Variants in CNTN1 observed in about 807,000 individuals in gnomAD.
The protein encoded by CNTN1 is contactin 1, also known as contactin-1.
A neutral mutation model predicts 126.4 loss-of-function variants in CNTN1; 38 were observed. The ratio of observed to expected loss-of-function variants is 0.30; its 90% CI spans 0.23 to 0.39. CNTN1 has a LOEUF of 0.39. Ranked by LOEUF, CNTN1 falls within the 10% of genes least tolerant of loss-of-function variation. The pLI is 1.00. For synonymous variants in CNTN1, 413 were observed against 422.6 expected (o/e 0.98, Z 0.28); for missense variants, 1,009 against 1,248.4 (o/e 0.81, Z 2.89).
chr12:41,068,042 G>A (rs1256609838), intron 23 of CNTN1, among the ~76,000 whole-genome samples: 1 of 152,128 alleles, frequency 6.6e-6, no homozygotes, highest in Non-Finnish European at 1.5e-5. Flanking sequence ...TAAGTGCAGA[G>A]CGCAGTTTCC....
intron 1 of CNTN1, among the ~76,000 whole-genome samples, chr12:40,709,602 A>T (rs1245987548): frequency 6.6e-6 from 1 of 152,200 alleles, no homozygotes; most frequent in African/African-American, 2.4e-5. Flanking sequence ...GTTTACGTTG[A>T]AATTATGTTG....
At chr12:40,827,011 C>T (rs898934768) in intron 1 of CNTN1, among the ~76,000 whole-genome samples, 6 of 152,096 alleles carry the variant, frequency 3.9e-5, no homozygotes, top group Admixed American at 6.5e-5. Flanking sequence ...ATATCTAAGA[C>T]ACTTTGAAAA....
At chr12:40,884,531 T>G (rs943150121) in intron 1 of CNTN1, among the ~76,000 whole-genome samples, 11 of 151,512 alleles carry the variant, frequency 7.3e-5, no homozygotes, top group African/African-American at 2.4e-4. Context: ...TACTAAATTA[T>G]TTCCTGAAAA....
intron 1 of CNTN1, among the ~76,000 whole-genome samples, chr12:40,747,934 G>A (rs1938249104): frequency 6.6e-6 from 1 of 152,148 alleles, no homozygotes; most frequent in African/African-American, 2.4e-5. Context: ...ATTCATGAAA[G>A]GAGAGTATTA....
chr12:41,057,553 T>A (rs1949853444), intron 23 of CNTN1, among the ~76,000 whole-genome samples: 1 of 152,004 alleles, frequency 6.6e-6, no homozygotes, highest in Non-Finnish European at 1.5e-5. Flanking sequence ...AACATAAGAC[T>A]CTGTTCATAT....
At chr12:40,853,282 A>G (rs1942782870) in intron 1 of CNTN1, among the ~76,000 whole-genome samples, 1 of 152,104 alleles carries the variant, frequency 6.6e-6, no homozygotes, top group Non-Finnish European at 1.5e-5. Context: ...AGCATTCCAA[A>G]ATATTATGTT....
intron 23 of CNTN1, among the ~76,000 whole-genome samples, chr12:41,031,203 T>A (rs191667671): frequency 6.6e-6 from 1 of 152,190 alleles, no homozygotes; most frequent in Non-Finnish European, 1.5e-5. Context: ...CACTGGTAAA[T>A]GTTAAACAGT....
intron 21 of CNTN1, among the ~76,000 whole-genome samples, 159 bp from the exon 22 acceptor site, chr12:41,027,698 T>G (rs551724495): frequency 8.5e-5 from 13 of 152,302 alleles, no homozygotes; most frequent in South Asian, 2.1e-4. Context: ...GACTCATGGA[T>G]GTAAAGTGCT....
intron 1 of CNTN1, among the ~76,000 whole-genome samples, chr12:40,732,045 A>G (rs534495913): frequency 1.3e-5 from 2 of 152,056 alleles, no homozygotes; most frequent in South Asian, 4.1e-4. Context: ...TGTTGAATCA[A>G]TGACTGAAAA....
chr12:41,070,483 T>G lies in CNTN1; in HGVS notation c.*448T>G. The G allele has an allele frequency of 4.9e-6, 1 of 202,990 alleles. No individual in the cohort carries two copies. The highest frequency in any genetic ancestry group is 1.0e-5 in the Non-Finnish European group (1 of 98,130). 12.6% of individuals were successfully genotyped at this position (202,990 alleles called of 1,614,324 possible). A position where few individuals can be genotyped will look rare whatever the true frequency, so the allele number is the denominator to read the frequency against. ...TAAGAGTAATACAGTCTCTTGTACT[T>G]TCCTCACTGTTTTGGGTACTGCATA... On this transcript the variant is annotated 3_prime_UTR_variant, in exon 24 of 24. Coordinates refer to ENST00000551295, the MANE Select transcript of CNTN1 (RefSeq NM_001843.4).
chr12:40,792,844 G>A (rs1334109195), intron 1 of CNTN1, among the ~76,000 whole-genome samples: 1 of 152,032 alleles, frequency 6.6e-6, no homozygotes, highest in East Asian at 1.9e-4. Context: ...AGCAGTGAAG[G>A]AAACCAAAAA....
intron 1 of CNTN1, among the ~76,000 whole-genome samples, chr12:40,733,379 A>G (rs1565661619): frequency 1.3e-5 from 2 of 151,630 alleles, no homozygotes; most frequent in Non-Finnish European, 2.9e-5. Flanking sequence ...ATTTTTTTTC[A>G]TAAATTAAAA....
chr12:40,971,137 G>T (rs1947495914), intron 15 of CNTN1, among the ~76,000 whole-genome samples: 1 of 152,122 alleles, frequency 6.6e-6, no homozygotes, highest in Admixed American at 6.6e-5. Flanking sequence ...ATTTACAAAG[G>T]ATCCACGAGA....
chr12:41,017,009 T>C, intron 19 of CNTN1, 93 bp downstream of exon 19: 1 of 990,192 alleles, frequency 1.0e-6, no homozygotes, highest in South Asian at 1.3e-5. Flanking sequence ...GCCTTACTTA[T>C]TAAGACCTTT....
chr12:40,876,322 T>C (rs1183191753), intron 1 of CNTN1, among the ~76,000 whole-genome samples: 1 of 152,154 alleles, frequency 6.6e-6, no homozygotes, highest in African/African-American at 2.4e-5. Context: ...CATACTTTTC[T>C]AATGAGATGT....
At chr12:40,805,519 G>A (rs1119061) in intron 1 of CNTN1, among the ~76,000 whole-genome samples, 48 of 151,876 alleles carry the variant, frequency 3.2e-4, no homozygotes, top group African/African-American at 1.1e-3. Context: ...CCATTTGACT[G>A]TTACTTAAAG....
Position 40,795,274 on chromosome 12 carries a change from TACACACACACACAC to T in CNTN1, c.-77+102714_-77+102727del, listed in dbSNP as rs71078269. Among the ~76,000 whole-genome samples the T allele has an allele frequency of 2.5e-3, 308 of 124,180 alleles. 2 individuals are homozygous for T. The highest frequency in any genetic ancestry group is 0.023 in the South Asian group (85 of 3,682). The allele number at this position is 124,180 out of a possible 152,430, so 81.5% of individuals were successfully genotyped here. A position where few individuals can be genotyped will look rare whatever the true frequency, so the allele number is the denominator to read the frequency against. Reference sequence around the variant, plus strand: ...ATCTCTGTAAACATGTCTACATGTATACACACACACACACACACACACACACACACACACACACA... The same window carrying T: ...ATCTCTGTAAACATGTCTACATGTATACACACACACACACACACACACACA... On this transcript the variant is annotated intron_variant, in intron 1 of 23. Transcript: ENST00000551295.
chr12:40,958,038 T>C (rs1439746968), intron 14 of CNTN1, among the ~76,000 whole-genome samples: 1 of 152,124 alleles, frequency 6.6e-6, no homozygotes, highest in South Asian at 2.1e-4. Flanking sequence ...AAATAGTAAA[T>C]CAATATTTTT....
intron 1 of CNTN1, among the ~76,000 whole-genome samples, chr12:40,788,447 ACCACAGTTCTGAG>A (rs761938208): frequency 6.6e-6 from 1 of 151,908 alleles, no homozygotes; most frequent in Non-Finnish European, 1.5e-5. Flanking sequence ...GAGCCTCTAA[ACCACAGTTCTGAG>A]CCTGGCCATG....
Sources: allele counts gnomAD v4.1 joint callset (sites outside exome capture counted in the v4.1 genomes callset), GRCh38; gene constraint gnomAD v4.1.1; transcripts MANE v1.5; gene names NCBI Gene and HGNC (gene_info 2026-07-23, HGNC 2026-07-21).